LRRTM4: variants seen among roughly 807,000 people sequenced by gnomAD.
LRRTM4 encodes leucine-rich repeat transmembrane neuronal protein 4.
Under a neutral mutation model 47.6 loss-of-function variants are expected in LRRTM4, and 25 were observed. That is an observed-to-expected ratio of 0.53 (90% CI 0.38 to 0.73). The LOEUF (loss-of-function observed/expected upper bound fraction) is 0.73. LRRTM4 is among the 30% of genes least tolerant of loss of function. The probability of loss-of-function intolerance (pLI) is 0.00; values close to 1 mark genes in which losing one functional copy is unlikely to be tolerated. For synonymous variants in LRRTM4, 311 were observed against 269.5 expected (o/e 1.15, Z -1.51); for missense variants, 638 against 713.4 (o/e 0.89, Z 1.20).
chr2:77,018,172 A>C (rs1442162235), intron 3 of LRRTM4, among the ~76,000 whole-genome samples: 1 of 151,372 alleles, frequency 6.6e-6, no homozygotes, highest in Non-Finnish European at 1.5e-5. Flanking sequence ...TGTGTGATGA[A>C]AAATAGGTCC....
At chr2:76,935,454 T>C (rs1006465776) in intron 3 of LRRTM4, among the ~76,000 whole-genome samples, 5 of 152,230 alleles carry the variant, frequency 3.3e-5, no homozygotes, top group African/African-American at 1.2e-4. Flanking sequence ...TATGGCCATT[T>C]TCACGATACT....
intron 3 of LRRTM4, among the ~76,000 whole-genome samples, chr2:77,245,799 A>C (rs1675429682): frequency 6.6e-6 from 1 of 152,172 alleles, no homozygotes; most frequent in Non-Finnish European, 1.5e-5. Flanking sequence ...AAAGGACTGA[A>C]ACAGCTTTCT....
chr2:77,029,120 T>G (rs1678562483), intron 3 of LRRTM4, among the ~76,000 whole-genome samples: 1 of 149,402 alleles, frequency 6.7e-6, no homozygotes, highest in South Asian at 2.1e-4. Context: ...TGAGTCACCT[T>G]TGCAGACAGT....
chr2:76,783,851 C>A (rs1429459243), intron 3 of LRRTM4, among the ~76,000 whole-genome samples: 1 of 152,096 alleles, frequency 6.6e-6, no homozygotes, highest in African/African-American at 2.4e-5. Flanking sequence ...TAATTCTGCA[C>A]ATTTCAGAGT....
intron 3 of LRRTM4, among the ~76,000 whole-genome samples, chr2:76,944,927 G>C (rs1675273744): frequency 6.6e-6 from 1 of 152,076 alleles, no homozygotes; most frequent in Non-Finnish European, 1.5e-5. Context: ...GTATAAGAAG[G>C]AAGATGACAG....
At chr2:77,461,138 T>TGA (rs72075725) in intron 3 of LRRTM4, among the ~76,000 whole-genome samples, 47,378 of 145,234 alleles carry the variant, frequency 0.33, 7,539 homozygotes, top group African/African-American at 0.36. Flanking sequence ...ACATACACAG[T>TGA]GAGAGAGAGA....
At chr2:77,139,045 C>T (rs1188603076) in intron 3 of LRRTM4, among the ~76,000 whole-genome samples, 1 of 152,076 alleles carries the variant, frequency 6.6e-6, no homozygotes, top group African/African-American at 2.4e-5. Flanking sequence ...ACCAGAGGTA[C>T]AAGGAGGAGC....
chr2:77,281,050 T>G (rs1354953081), intron 3 of LRRTM4, among the ~76,000 whole-genome samples: 3 of 152,100 alleles, frequency 2.0e-5, no homozygotes, highest in East Asian at 1.9e-4. Context: ...GAACCCATAT[T>G]GAAGCAGAGT....
intron 3 of LRRTM4, among the ~76,000 whole-genome samples, chr2:76,774,588 A>T (rs1222704555): frequency 6.6e-6 from 1 of 152,202 alleles, no homozygotes; most frequent in East Asian, 1.9e-4. Flanking sequence ...CATCCTTATT[A>T]TCTTCACATT....
chr2:77,317,967 T>C (rs1677663728), intron 3 of LRRTM4, among the ~76,000 whole-genome samples: 1 of 151,358 alleles, frequency 6.6e-6, no homozygotes, highest in Non-Finnish European at 1.5e-5. Context: ...TGTTTTTATC[T>C]CTAAACCAAC....
chr2:76,916,309 CGG>C (rs1674242939), intron 3 of LRRTM4, among the ~76,000 whole-genome samples: 1 of 139,794 alleles, frequency 7.2e-6, no homozygotes, highest in African/African-American at 2.7e-5. Flanking sequence ...GGCGTGAACC[CGG>C]TAGGTGGAGC....
intron 3 of LRRTM4, among the ~76,000 whole-genome samples, chr2:77,361,271 T>A (rs550624433): frequency 6.6e-6 from 1 of 152,022 alleles, no homozygotes; most frequent in Non-Finnish European, 1.5e-5. Flanking sequence ...TTTTTAAAAT[T>A]TCCTCCTTTT....
chr2:77,194,179 T>G (rs1460990951), intron 3 of LRRTM4, among the ~76,000 whole-genome samples: 1 of 152,160 alleles, frequency 6.6e-6, no homozygotes, highest in East Asian at 1.9e-4. Context: ...TCTAAGAAAA[T>G]ATGACTATAT....
chr2:76,802,774 T>C (rs1251624475), intron 3 of LRRTM4, among the ~76,000 whole-genome samples: 1 of 152,044 alleles, frequency 6.6e-6, no homozygotes, highest in Non-Finnish European at 1.5e-5. Context: ...ACACATAGGA[T>C]AGAGAACTCA....
intron 3 of LRRTM4, among the ~76,000 whole-genome samples, chr2:76,995,138 CAT>C (rs1218019016): frequency 6.6e-6 from 1 of 151,892 alleles, no homozygotes; most frequent in African/African-American, 2.4e-5. Flanking sequence ...TTAGAAAATG[CAT>C]ATAAGAGACA....
intron 3 of LRRTM4, among the ~76,000 whole-genome samples, chr2:77,468,591 T>C (rs2103987470): frequency 6.6e-6 from 1 of 152,288 alleles, no homozygotes; most frequent in Non-Finnish European, 1.5e-5. Flanking sequence ...CAAGGGGCAG[T>C]CCCCATGCAG....
At chr2:77,223,839 T>C (rs1330966242) in intron 3 of LRRTM4, among the ~76,000 whole-genome samples, 1 of 152,054 alleles carries the variant, frequency 6.6e-6, no homozygotes, top group Non-Finnish European at 1.5e-5. Flanking sequence ...TGACTTTCTT[T>C]ACAGAATTGG....
chr2:76,901,567 C>A (rs981164744), intron 3 of LRRTM4, among the ~76,000 whole-genome samples: 5 of 151,986 alleles, frequency 3.3e-5, no homozygotes, highest in African/African-American at 1.2e-4. Context: ...CCTCTTAGTA[C>A]TTTTAAGGTA....
At chr2:77,264,009 GT>G (rs200452484) in intron 3 of LRRTM4, among the ~76,000 whole-genome samples, 13,158 of 147,660 alleles carry the variant, frequency 0.089, 699 homozygotes, top group East Asian at 0.31. Context: ...ACTTCTTTAA[GT>G]TTTTTTTTTT....
Sources: gnomAD v4.1 joint callset for allele counts (sites outside exome capture counted in the v4.1 genomes callset) on GRCh38, gnomAD v4.1.1 for gene constraint, MANE v1.5 for transcripts, NCBI Gene and HGNC (gene_info 2026-07-23, HGNC 2026-07-21) for gene names.